The following DAAM2 variants were observed in gnomAD, a reference collection of about 807,000 sequenced individuals.
The protein encoded by DAAM2 is disheveled-associated activator of morphogenesis 2.
DAAM2 carries 39 observed loss-of-function variants against 120.7 expected under a neutral mutation model. That is an observed-to-expected ratio of 0.32 (90% CI 0.25 to 0.42). DAAM2 has a LOEUF of 0.42. DAAM2 is among the 10% of genes least tolerant of loss of function. The pLI, the probability that DAAM2 is intolerant of heterozygous loss-of-function variation, is 1.00. For synonymous variants in DAAM2, 488 were observed against 524.9 expected, an observed-to-expected ratio of 0.93 and a Z score of 0.96; for missense variants, 1,283 against 1,401.7, an observed-to-expected ratio of 0.92 and a Z score of 1.35.
intron 4 of DAAM2, 101 bp downstream of exon 4, chr6:39,864,608 C>G (rs1176832242): frequency 2.4e-5 from 22 of 909,966 alleles, no homozygotes; most frequent in Non-Finnish European, 3.7e-5. Context: ...CTGCCTTTTA[C>G]TGCTCCTCAG....
At position 39,858,526 on chromosome 6, in the gene DAAM2, T is replaced by C. The variant is rs545989903; in HGVS notation, c.168+2056T>C. On this transcript the variant is annotated intron_variant, in intron 2 of 24. Coordinates refer to ENST00000274867, the MANE Select transcript of DAAM2 (RefSeq NM_001201427.2). ...ATGGATATTGGGGCCCTGGGCAGGA[T>C]AGGATATACTGGAGGAGATTCAAGT... Among the ~76,000 whole-genome samples, 20 of 152,250 alleles carry C rather than the reference T, an allele frequency of 1.3e-4. No homozygotes were observed. The South Asian group carries it at 3.9e-3, about 30-fold the overall frequency.
chr6:39,860,643 A>T (rs557811371), intron 2 of DAAM2, among the ~76,000 whole-genome samples: 1 of 152,320 alleles, frequency 6.6e-6, no homozygotes, highest in South Asian at 2.1e-4. Context: ...GGCAGGGAAC[A>T]GGGTGACCTG....
rs537586160 is a variant in DAAM2 at position 39,861,228 on chromosome 6, G to A, written c.258+211G>A. 855 of 636,166 alleles carry A rather than the reference G, an allele frequency of 1.3e-3. 1 individual carries two copies. Among genetic ancestry groups the A allele is most frequent in the Non-Finnish European group, 2.1e-3 (705 of 343,346 alleles). The allele number at this position is 636,166 out of a possible 1,614,324, so 39.4% of individuals were successfully genotyped here. On this transcript the variant is annotated intron_variant, in intron 3 of 24. Transcript: ENST00000274867. Reference sequence around the variant, plus strand: ...AAATAGGATTCTCTTTTTCAAAAACGCTTAAAGCAGGACCTGCTGCATCCC... The same window carrying A: ...AAATAGGATTCTCTTTTTCAAAAACACTTAAAGCAGGACCTGCTGCATCCC...
intron 1 of DAAM2, among the ~76,000 whole-genome samples, chr6:39,829,843 C>T (rs906575811): frequency 3.3e-5 from 5 of 152,146 alleles, no homozygotes; most frequent in Admixed American, 2.6e-4. Context: ...CGTTCTGAGC[C>T]GGCCCCTTGG....
intron 1 of DAAM2, among the ~76,000 whole-genome samples, chr6:39,834,217 C>T (rs1467328989): frequency 2.0e-5 from 3 of 152,080 alleles, no homozygotes; most frequent in Non-Finnish European, 4.4e-5. Flanking sequence ...TAAGAGCATA[C>T]CTCTTATATT....
chr6:39,893,994 T>G (rs1409997925), intron 19 of DAAM2, among the ~76,000 whole-genome samples: 2 of 152,200 alleles, frequency 1.3e-5, no homozygotes, highest in Non-Finnish European at 2.9e-5. Flanking sequence ...CCAGTTCTTC[T>G]ATGAATATAT....
intron 1 of DAAM2, among the ~76,000 whole-genome samples, chr6:39,810,522 T>A (rs1762130903): frequency 6.6e-6 from 1 of 152,174 alleles, no homozygotes. Context: ...TGGGCTGCCC[T>A]TGGGTTGTCC....
At chr6:39,897,025 C>G (rs1376544636) in intron 20 of DAAM2, 45 bp downstream of exon 20, 6 of 1,572,322 alleles carry the variant, frequency 3.8e-6, no homozygotes, top group African/African-American at 2.7e-5. Flanking sequence ...TCTATCTCAC[C>G]CTACCCTGGC....
rs375416552 is a variant in DAAM2 at position 39,891,778 on chromosome 6, G to A, written c.2341+56G>A. The A allele has an allele frequency of 8.2e-5, 117 of 1,428,070 alleles. No homozygotes were observed. In the African/African-American group the frequency reaches 1.3e-3, roughly 16 times the overall value. 88.5% of individuals were successfully genotyped at this position (1,428,070 alleles called of 1,614,324 possible). A position where few individuals can be genotyped will look rare whatever the true frequency, so the allele number is the denominator to read the frequency against. On this transcript the variant is annotated intron_variant, in intron 19 of 24. Transcript: ENST00000274867. ...TGGAGAGTTATCTGAGAAAGGCAGG[G>A]TGGGTGGGAGCCAGTGAATAGGGGC...
At chr6:39,845,164 TACACACACC>T in intron 1 of DAAM2, among the ~76,000 whole-genome samples, 1 of 138,250 alleles carries the variant, frequency 7.2e-6, no homozygotes, top group African/African-American at 2.7e-5. Flanking sequence ...ACACCACACA[TACACACACC>T]ACACACATAC....
intron 1 of DAAM2, chr6:39,823,228 G>C (rs962814640): frequency 6.6e-6 from 1 of 152,166 alleles, no homozygotes. Flanking sequence ...ATTAAGAAAG[G>C]CTACATCGAC....
chr6:39,874,975 T>G (rs1418777399), intron 10 of DAAM2, among the ~76,000 whole-genome samples: 1 of 152,220 alleles, frequency 6.6e-6, no homozygotes, highest in Non-Finnish European at 1.5e-5. Context: ...CATGTAATAT[T>G]TTGGAGCAGG....
chr6:39,831,156 C>A (rs886116451), intron 1 of DAAM2, among the ~76,000 whole-genome samples: 1 of 152,010 alleles, frequency 6.6e-6, no homozygotes, highest in African/African-American at 2.4e-5. Context: ...CTAGTCACTG[C>A]GGATACAGCA....
Position 39,901,159 on chromosome 6 carries a change from C to T in DAAM2, c.2812-143C>T. 1 of 716,660 alleles carries T rather than the reference C, an allele frequency of 1.4e-6. No individual in the cohort carries two copies. The highest frequency in any genetic ancestry group is 2.4e-6 in the Non-Finnish European group (1 of 417,334). The allele number at this position is 716,660 out of a possible 1,614,324, so 44.4% of individuals were successfully genotyped here. A position where few individuals can be genotyped will look rare whatever the true frequency, so the allele number is the denominator to read the frequency against. ...CCTGATGATGATGGGGGTGTCTTCT[C>T]ACCTCTTCCAGCCCTGCCCCCTGTG... On this transcript the variant is annotated intron_variant, in intron 23 of 24. Coordinates refer to ENST00000274867, the MANE Select transcript of DAAM2 (RefSeq NM_001201427.2). The surrounding 1 kb of genome is among the most constrained non-coding windows in gnomAD (Gnocchi z 4.5).
chr6:39,845,600 C>T (rs900185231), intron 1 of DAAM2, among the ~76,000 whole-genome samples: 8 of 151,966 alleles, frequency 5.3e-5, no homozygotes, highest in African/African-American at 1.9e-4. Context: ...TACCACTCCC[C>T]ACCGCTTCAC....
At chr6:39,872,897 C>T in intron 9 of DAAM2, among the ~76,000 whole-genome samples, 1 of 152,162 alleles carries the variant, frequency 6.6e-6, no homozygotes, top group African/African-American at 2.4e-5. Context: ...GGGACATTTG[C>T]AATGTCTGGG....
chr6:39,887,668 C>T (rs1582742610), intron 16 of DAAM2, 76 bp downstream of exon 16: 8 of 968,932 alleles, frequency 8.3e-6, no homozygotes, highest in Admixed American at 6.0e-5. Flanking sequence ...GTGGCAGTCT[C>T]GGGCCTCTCC....
In DAAM2 at chr6:39,879,416, A is replaced by G. The variant is rs999097152; in HGVS notation, c.1784A>G (p.Lys595Arg). 2 of 1,613,838 alleles carry G rather than the reference A, an allele frequency of 1.2e-6. No individual in the cohort carries two copies. The highest frequency in any genetic ancestry group is 1.7e-6 in the Non-Finnish European group (2 of 1,179,876). Residue 595 changes from lysine (K) to arginine (R), a missense_variant, in exon 14 of 25, where the codon AAA becomes AGA. Lys to Arg is a conservative substitution (Grantham distance 26). Around this residue, in one of 3 missense-constraint regions of DAAM2, gnomAD observed 748 missense variants for 768.6 expected, o/e 0.97. Coordinates refer to ENST00000274867, the MANE Select transcript of DAAM2 (RefSeq NM_001201427.2). ...PYPSSDVPLRKKRVPQPSHPL... is the reference protein window; with the variant it reads ...PYPSSDVPLRRKRVPQPSHPL... ...CCCAGCAGTGACGTCCCACTCAGGAAAAAGCGTGTCCCCCAGCCTTCTCAC... is the reference window on the plus strand; with the variant it reads ...CCCAGCAGTGACGTCCCACTCAGGAGAAAGCGTGTCCCCCAGCCTTCTCAC...
At chr6:39,793,876 G>A (rs1317682762) in intron 1 of DAAM2, among the ~76,000 whole-genome samples, 1 of 152,164 alleles carries the variant, frequency 6.6e-6, no homozygotes, top group Non-Finnish European at 1.5e-5. Context: ...CTCTGGTTTT[G>A]TATTTTGCAG....
Sources: gnomAD v4.1 joint callset for allele counts (sites outside exome capture counted in the v4.1 genomes callset) on GRCh38, gnomAD v4.1.1 for gene constraint, gnomAD v4.1.1 regional missense constraint, Gnocchi (gnomAD v3.1) non-coding constraint, MANE v1.5 for transcripts, NCBI Gene and HGNC (gene_info 2026-07-23, HGNC 2026-07-21) for gene names.